The following SCUBE1 variants were observed in gnomAD, a reference collection of about 807,000 sequenced individuals.
The protein encoded by SCUBE1 is signal peptide, CUB domain and EGF like domain containing 1.
SCUBE1 carries 59 observed loss-of-function variants against 124.4 expected under a neutral mutation model. The ratio of observed to expected loss-of-function variants is 0.47; its 90% CI spans 0.38 to 0.59. SCUBE1 has a LOEUF of 0.59. SCUBE1 is among the 20% of genes least tolerant of loss of function. SCUBE1 has a pLI of 0.00. For synonymous variants in SCUBE1, 545 were observed against 550.9 expected (o/e 0.99, Z 0.15); for missense variants, 1,150 against 1,371.2 (o/e 0.84, Z 2.55).
intron 6 of SCUBE1, among the ~76,000 whole-genome samples, chr22:43,254,437 T>G (rs1455763511): frequency 6.6e-6 from 1 of 152,186 alleles, no homozygotes; most frequent in Non-Finnish European, 1.5e-5. Flanking sequence ...GAGGTCCGCA[T>G]GAGGGCCACG....
chr22:43,269,728 G>A (rs865919391), intron 4 of SCUBE1, among the ~76,000 whole-genome samples: 1 of 152,162 alleles, frequency 6.6e-6, no homozygotes, highest in African/African-American at 2.4e-5. Flanking sequence ...GGGGTGGCAG[G>A]GGGAGGAGGC....
chr22:43,264,592 C>T (rs1049247618), intron 4 of SCUBE1, among the ~76,000 whole-genome samples: 1 of 152,166 alleles, frequency 6.6e-6, no homozygotes, highest in African/African-American at 2.4e-5. Context: ...TGGTGGCCAG[C>T]AAGCCATCTC....
In SCUBE1 at chr22:43,255,199, C is replaced by T. The variant is rs1392095972; in HGVS notation, c.727+3020G>A. ...GTGGATACTAGCCCTGGGTTCTTTG[C>T]TACAAACACACAAACAACGAACAAA... On this transcript the variant is annotated intron_variant, in intron 6 of 21. Transcript: ENST00000360835. The surrounding 1 kb of genome is among the most constrained non-coding windows in gnomAD (Gnocchi z 4.7). Among the ~76,000 whole-genome samples the T allele has an allele frequency of 6.6e-6, 1 of 152,200 alleles. No homozygotes were observed. The highest frequency in any genetic ancestry group is 1.5e-5 in the Non-Finnish European group (1 of 68,032).
chr22:43,204,198 G>A (rs777468307), intron 21 of SCUBE1, 49 bp from the exon 22 acceptor site: 3 of 1,579,942 alleles, frequency 1.9e-6, no homozygotes, highest in East Asian at 2.2e-5. Flanking sequence ...GGCCTGTAGG[G>A]TCTGTGGGGT....
At chr22:43,216,515 C>T (rs1187517036) in intron 15 of SCUBE1, among the ~76,000 whole-genome samples, 4 of 151,642 alleles carry the variant, frequency 2.6e-5, no homozygotes, top group East Asian at 2.0e-4. Context: ...TAGCCGGACA[C>T]GGTGGCGCGC....
At chr22:43,341,875 A>C (rs4396811) in intron 1 of SCUBE1, among the ~76,000 whole-genome samples, 13,910 of 151,870 alleles carry the variant, frequency 0.092, 982 homozygotes, top group East Asian at 0.37. Context: ...TCAGATACAG[A>C]GAGACACGAG....
intron 2 of SCUBE1, among the ~76,000 whole-genome samples, chr22:43,321,063 G>A (rs546088208): frequency 1.3e-5 from 2 of 152,346 alleles, no homozygotes; most frequent in East Asian, 3.9e-4. Context: ...ACACGATGGG[G>A]AGAGAGGAGG....
intron 3 of SCUBE1, among the ~76,000 whole-genome samples, chr22:43,305,945 G>A (rs756321828): frequency 6.6e-6 from 1 of 152,230 alleles, no homozygotes; most frequent in Non-Finnish European, 1.5e-5. Flanking sequence ...AGCTGTATGT[G>A]GTTGGGATGA....
At chr22:43,243,605 G>C (rs1474366339) in intron 6 of SCUBE1, among the ~76,000 whole-genome samples, 1 of 152,228 alleles carries the variant, frequency 6.6e-6, no homozygotes, top group African/African-American at 2.4e-5. Context: ...CCCCAGGTCT[G>C]GGACAAGGTC....
intron 2 of SCUBE1, among the ~76,000 whole-genome samples, chr22:43,332,595 C>G (rs1926939104): frequency 6.6e-6 from 1 of 152,172 alleles, no homozygotes; most frequent in African/African-American, 2.4e-5. Context: ...TCCCTCTCAG[C>G]TGGGAGGCCT....
chr22:43,273,846 T>TAC (rs1696176515), intron 4 of SCUBE1, among the ~76,000 whole-genome samples: 1 of 152,132 alleles, frequency 6.6e-6, no homozygotes, highest in African/African-American at 2.4e-5. Flanking sequence ...GTGCTGGGAT[T>TAC]ACAGGTGTGA....
intron 6 of SCUBE1, among the ~76,000 whole-genome samples, chr22:43,249,017 G>C (rs1468057843): frequency 6.6e-6 from 1 of 152,190 alleles, no homozygotes; most frequent in African/African-American, 2.4e-5. Context: ...CCCAGTCAGG[G>C]GGTGCTGGTG....
intron 3 of SCUBE1, among the ~76,000 whole-genome samples, chr22:43,299,004 C>T (rs1054748598): frequency 6.6e-6 from 1 of 151,636 alleles, no homozygotes; most frequent in Non-Finnish European, 1.5e-5. Flanking sequence ...GTGAGCCAGA[C>T]CGCACCACTG....
rs960225300 is a variant in SCUBE1 at position 43,238,804 on chromosome 22, A to G, written c.844+34T>C. ...CGGAGGCTCTTGGCCAGGCCAGTAC[A>G]GGCAGGGGCACCCACACAGCTCCAC... On this transcript the variant is annotated intron_variant, in intron 7 of 21. Transcript: ENST00000360835. 8.3e-6 allele frequency: 13 copies of G among 1,558,332 alleles called. No homozygotes were observed. In the African/African-American group the frequency reaches 1.6e-4, roughly 19 times the overall value.
At chr22:43,312,119 T>A (rs1345286755) in intron 3 of SCUBE1, among the ~76,000 whole-genome samples, 1 of 152,222 alleles carries the variant, frequency 6.6e-6, no homozygotes, top group African/African-American at 2.4e-5. Context: ...GAGAGGGTTT[T>A]TAGATTACAA....
At chr22:43,341,882 C>T (rs1219410124) in intron 1 of SCUBE1, among the ~76,000 whole-genome samples, 3 of 152,020 alleles carry the variant, frequency 2.0e-5, no homozygotes, top group East Asian at 3.9e-4. Flanking sequence ...CAGAGAGACA[C>T]GAGGAGGGAC....
intron 6 of SCUBE1, among the ~76,000 whole-genome samples, chr22:43,244,191 C>T (rs539478909): frequency 1.3e-5 from 2 of 152,306 alleles, no homozygotes; most frequent in East Asian, 1.9e-4. Context: ...CACCCCAGCA[C>T]GGTTCCTCAG....
chr22:43,241,897 T>C (rs996245273), intron 6 of SCUBE1, among the ~76,000 whole-genome samples: 2 of 152,034 alleles, frequency 1.3e-5, no homozygotes, highest in African/African-American at 4.8e-5. Context: ...GCAGGGAGGG[T>C]CAAGTGGAGG....
rs762886438 is a variant in SCUBE1 at position 43,258,748 on chromosome 22, C to T, written c.611-413G>A. Among the ~76,000 whole-genome samples, 21 of 152,274 alleles carry T rather than the reference C, an allele frequency of 1.4e-4. No individual in the cohort carries two copies. The highest frequency in any genetic ancestry group is 2.6e-4 in the African/African-American group (11 of 41,544). The stretch of plus-strand genomic sequence containing the variant: ...TCAAGCTGTCGGGGGAGGGACATGG[C>T]GGCCCGTGGTTCCAGGTGACCCTCA... On this transcript the variant is annotated intron_variant, in intron 5 of 21. Transcript: ENST00000360835. This position sits in a 1 kb window ranked among gnomAD's most constrained non-coding sequence, Gnocchi z 5.0.
Sources: gnomAD v4.1 joint callset for allele counts (sites outside exome capture counted in the v4.1 genomes callset) on GRCh38, gnomAD v4.1.1 for gene constraint, Gnocchi (gnomAD v3.1) non-coding constraint, MANE v1.5 for transcripts, NCBI Gene and HGNC (gene_info 2026-07-23, HGNC 2026-07-21) for gene names.